Variants in PDE7B observed in about 807,000 individuals in gnomAD.
The protein encoded by PDE7B is phosphodiesterase 7B, also known as 3',5'-cyclic-AMP phosphodiesterase 7B.
In PDE7B, 29 loss-of-function variants were observed where a neutral mutation model predicts 56.2. The observed-to-expected ratio is 0.52, with a 90% CI of 0.38 to 0.70. The LOEUF (loss-of-function observed/expected upper bound fraction) is 0.70. Among genes scored for constraint, PDE7B ranks in the 30% least tolerant of loss-of-function variants. PDE7B has a pLI of 0.00. For missense variants in PDE7B, 490 were observed against 565.0 expected (o/e 0.87, Z 1.35); for synonymous variants, 197 against 196.9 (o/e 1.00, Z 0.00).
At chr6:136,117,588 TG>T (rs1365261422) in intron 3 of PDE7B, among the ~76,000 whole-genome samples, 6 of 152,220 alleles carry the variant, frequency 3.9e-5, no homozygotes, top group Non-Finnish European at 5.9e-5. Context: ...TTAAGTAAGC[TG>T]GGGAAGAAGG....
intron 3 of PDE7B, among the ~76,000 whole-genome samples, chr6:136,140,318 C>G (rs1204656490): frequency 1.4e-4 from 22 of 152,234 alleles, no homozygotes; most frequent in African/African-American, 4.3e-4. Context: ...CTGTTCTGTT[C>G]CATTGGTCTG....
chr6:135,854,073 G>A (rs938793049), intron 1 of PDE7B, among the ~76,000 whole-genome samples: 5 of 152,148 alleles, frequency 3.3e-5, no homozygotes, highest in African/African-American at 7.2e-5. Flanking sequence ...TCAGCCTAAG[G>A]ACATCTTAAA....
intron 1 of PDE7B, among the ~76,000 whole-genome samples, chr6:135,927,167 A>G (rs913625906): frequency 1.3e-5 from 2 of 151,998 alleles, no homozygotes; most frequent in African/African-American, 2.4e-5. Context: ...TGATAACCTT[A>G]TTTTTATGCT....
At chr6:136,059,055 T>C (rs369893177) in intron 2 of PDE7B, among the ~76,000 whole-genome samples, 5 of 152,300 alleles carry the variant, frequency 3.3e-5, no homozygotes, top group African/African-American at 1.2e-4. Flanking sequence ...TTGTTTGGCA[T>C]GAAGTGTGTT....
rs557238527 is a variant in PDE7B, at chr6:136,195,052, C to T, written c.*3212C>T. 5 of 152,140 alleles carry T rather than the reference C, an allele frequency of 3.3e-5. No individual in the cohort carries two copies. Among genetic ancestry groups the T allele is most frequent in the South Asian group, 2.1e-4 (1 of 4,806 alleles). The allele number at this position is 152,140 out of a possible 1,614,324, so 9.4% of individuals were successfully genotyped here. ...CAAAGGACTGTGTGTAGTAAGCTGA[C>T]GGTAAAGTTAAGATTAAATTAAGAC... On this transcript the variant is annotated 3_prime_UTR_variant, in exon 13 of 13. Transcript: ENST00000308191.
At chr6:135,894,293 A>T (rs1181895183) in intron 1 of PDE7B, among the ~76,000 whole-genome samples, 2 of 152,118 alleles carry the variant, frequency 1.3e-5, no homozygotes, top group East Asian at 1.9e-4. Context: ...CTTTTAATTG[A>T]CACTGTTTTG....
chr6:136,063,709 A>G lies in PDE7B; in HGVS notation c.83-45022A>G, dbSNP rs144293101. On this transcript the variant is annotated intron_variant, in intron 2 of 12. Transcript: ENST00000308191. Reference sequence around the variant, plus strand: ...TCCGCCTCACTTTCCCTGCACACCAACAAAACCGCACAGTTCGTGTTTCTC... The same window carrying G: ...TCCGCCTCACTTTCCCTGCACACCAGCAAAACCGCACAGTTCGTGTTTCTC... Among the ~76,000 whole-genome samples the G allele has an allele frequency of 1.5e-3, 225 of 152,252 alleles. 1 individual carries two copies. Among genetic ancestry groups the G allele is most frequent in the Admixed American group, 0.011 (167 of 15,280 alleles).
Position 136,158,680 on chromosome 6 carries a change from A to ACT in PDE7B, c.711+2924_711+2925dup, listed in dbSNP as rs1481748637. On this transcript the variant is annotated intron_variant, in intron 8 of 12. Coordinates refer to ENST00000308191, the MANE Select transcript of PDE7B (RefSeq NM_018945.4). ...TCCCATGGTCTGTTCTCTGGGCCGG[A>ACT]CTCACTCGCTGAACTGCCAACCAAG... Among the ~76,000 whole-genome samples the ACT allele has an allele frequency of 4.6e-5, 7 of 152,120 alleles. No individual in the cohort carries two copies. The East Asian group carries it at 1.3e-3, about 29-fold the overall frequency.
At chr6:136,050,056 C>T (rs1336426535) in intron 2 of PDE7B, among the ~76,000 whole-genome samples, 2 of 152,144 alleles carry the variant, frequency 1.3e-5, no homozygotes, top group African/African-American at 2.4e-5. Context: ...GACATCCAGC[C>T]ATGCCATTGA....
intron 2 of PDE7B, among the ~76,000 whole-genome samples, chr6:136,029,001 T>C (rs1019810805): frequency 4.6e-5 from 7 of 152,212 alleles, no homozygotes; most frequent in African/African-American, 1.7e-4. Context: ...TTGAATGTGT[T>C]TACAGGACTA....
intron 8 of PDE7B, among the ~76,000 whole-genome samples, chr6:136,162,642 A>G (rs1778725421): frequency 6.6e-6 from 1 of 152,156 alleles, no homozygotes. Context: ...GCATTAACCC[A>G]AAAGTCCAAG....
rs1562442843 is a variant in PDE7B, at chr6:135,928,469, T to TTATATATATATTTA, written c.22-18984_22-18983insTTATATATATATAT. 8.1e-4 allele frequency among the ~76,000 whole-genome samples: 66 copies of TTATATATATATTTA among 81,654 alleles called. 1 individual carries two copies. The highest frequency in any genetic ancestry group is 2.5e-3 in the African/African-American group (63 of 25,004). The allele number at this position is 81,654 out of a possible 152,430, so 53.6% of individuals were successfully genotyped here. A position where few individuals can be genotyped will look rare whatever the true frequency, so the allele number is the denominator to read the frequency against. ...TATATTTATTTATATATATATTTAT[T>TTATATATATATTTA]TATATATATATATTTATTTATATAT... On this transcript the variant is annotated intron_variant, in intron 1 of 12. Transcript: ENST00000308191.
chr6:136,034,629 C>G (rs12203416), intron 2 of PDE7B: 6,318 of 152,718 alleles, frequency 0.041, 193 homozygotes, highest in East Asian at 0.16. Context: ...ATGCTGCCCA[C>G]TGCTGGTGAA....
chr6:136,032,910 G>C (rs192604022), intron 2 of PDE7B, among the ~76,000 whole-genome samples: 1 of 152,216 alleles, frequency 6.6e-6, no homozygotes, highest in Non-Finnish European at 1.5e-5. Flanking sequence ...TTGGGGCAAA[G>C]CTCAGTGGTG....
At chr6:135,960,719 T>A (rs1303501784) in intron 2 of PDE7B, among the ~76,000 whole-genome samples, 1 of 152,210 alleles carries the variant, frequency 6.6e-6, no homozygotes, top group African/African-American at 2.4e-5. Flanking sequence ...AACAGATAGT[T>A]TCCCTCGTAC....
At chr6:135,939,684 G>C (rs559096626) in intron 1 of PDE7B, among the ~76,000 whole-genome samples, 1 of 152,168 alleles carries the variant, frequency 6.6e-6, no homozygotes, top group African/African-American at 2.4e-5. Flanking sequence ...TGTATCTTCT[G>C]GGAGCTGGGG....
chr6:136,061,510 C>G (rs928467045), intron 2 of PDE7B, among the ~76,000 whole-genome samples: 1 of 152,176 alleles, frequency 6.6e-6, no homozygotes, highest in African/African-American at 2.4e-5. Flanking sequence ...CTCTTCCTCT[C>G]TCCCACCCCC....
At chr6:136,130,776 T>A (rs1458612976) in intron 3 of PDE7B, among the ~76,000 whole-genome samples, 1 of 152,132 alleles carries the variant, frequency 6.6e-6, no homozygotes, top group African/African-American at 2.4e-5. Flanking sequence ...TTTAATGGAC[T>A]CAGTTCTACA....
intron 1 of PDE7B, among the ~76,000 whole-genome samples, chr6:135,937,056 G>T (rs1774433145): frequency 6.6e-6 from 1 of 152,220 alleles, no homozygotes; most frequent in South Asian, 2.1e-4. Flanking sequence ...ACAACTAAAA[G>T]TGTTAGACAT....
Sources: gnomAD v4.1 joint callset for allele counts (sites outside exome capture counted in the v4.1 genomes callset) on GRCh38, gnomAD v4.1.1 for gene constraint, MANE v1.5 for transcripts, NCBI Gene and HGNC (gene_info 2026-07-23, HGNC 2026-07-21) for gene names.